Variants in USP13 observed in about 807,000 individuals in gnomAD.
USP13 encodes the protein ubiquitin carboxyl-terminal hydrolase 13.
A neutral mutation model predicts 107.8 loss-of-function variants in USP13; 68 were observed. The ratio of observed to expected loss-of-function variants is 0.63; its 90% confidence interval spans 0.52 to 0.77. The LOEUF is 0.77. Ranked by LOEUF, USP13 falls within the 30% of genes least tolerant of loss-of-function variation. USP13 has a pLI of 0.00. For missense variants in USP13, 945 were observed against 1,093.3 expected (o/e 0.86, Z 1.91); for synonymous variants, 377 against 389.5 (o/e 0.97, Z 0.38).
At chr3:179,671,610 C>T (rs1288954156) in intron 1 of USP13, among the ~76,000 whole-genome samples, 1 of 152,138 alleles carries the variant, frequency 6.6e-6, no homozygotes, top group Non-Finnish European at 1.5e-5. Flanking sequence ...AATACTCATC[C>T]ACAAGTCAAT....
At chr3:179,688,099 G>GCCCATCCATCCA (rs1553789280) in intron 2 of USP13, among the ~76,000 whole-genome samples, 2 of 140,532 alleles carry the variant, frequency 1.4e-5, no homozygotes, top group Admixed American at 7.2e-5. Flanking sequence ...CCATCCATCC[G>GCCCATCCATCCA]TCCATCCATC....
At chr3:179,691,679 A>G (rs1377801502) in intron 3 of USP13, among the ~76,000 whole-genome samples, 1 of 152,180 alleles carries the variant, frequency 6.6e-6, no homozygotes, top group Non-Finnish European at 1.5e-5. Context: ...AGACTGTGCT[A>G]AATATTTTGT....
intron 20 of USP13, among the ~76,000 whole-genome samples, chr3:179,783,216 A>G (rs893822174): frequency 2.6e-5 from 4 of 152,160 alleles, no homozygotes; most frequent in African/African-American, 9.6e-5. Context: ...TATAAATATA[A>G]AAATATACAA....
At chr3:179,756,765 A>G (rs1714818383) in intron 15 of USP13, among the ~76,000 whole-genome samples, 1 of 152,176 alleles carries the variant, frequency 6.6e-6, no homozygotes, top group Non-Finnish European at 1.5e-5. Context: ...TCTCCAAAAA[A>G]AAGTTTTTTT....
At chr3:179,664,734 A>G (rs1385917577) in intron 1 of USP13, among the ~76,000 whole-genome samples, 2 of 152,322 alleles carry the variant, frequency 1.3e-5, no homozygotes, top group East Asian at 3.9e-4. Context: ...GAATCTGAAT[A>G]CGCCTCTGGA....
chr3:179,657,143 A>G lies in USP13; in HGVS notation c.168+3750A>G, dbSNP rs1262420590. 2.0e-5 allele frequency among the ~76,000 whole-genome samples: 3 copies of G among 152,192 alleles called. No homozygotes were observed. The East Asian group carries it at 5.8e-4, about 29-fold the overall frequency. On this transcript the variant is annotated intron_variant, in intron 1 of 20. Transcript: ENST00000263966. Reference sequence around the variant, plus strand: ...ATGGAGACAGTAACAACCTATCTCAAAAGGTTATTTTGTGGATTAAATAAA... The same window carrying G: ...ATGGAGACAGTAACAACCTATCTCAGAAGGTTATTTTGTGGATTAAATAAA...
At chr3:179,713,399 G>A (rs975942075) in intron 6 of USP13, among the ~76,000 whole-genome samples, 18 of 152,084 alleles carry the variant, frequency 1.2e-4, no homozygotes, top group African/African-American at 2.4e-4. Flanking sequence ...TTAATAGATC[G>A]CAAGCTGTAA....
chr3:179,762,858 A>G (rs1715052930), intron 17 of USP13, among the ~76,000 whole-genome samples: 2 of 152,184 alleles, frequency 1.3e-5, no homozygotes, highest in African/African-American at 2.4e-5. Flanking sequence ...TTCCACCAGT[A>G]ATGAATGTGA....
At chr3:179,702,990 T>G (rs969028319) in intron 4 of USP13, among the ~76,000 whole-genome samples, 6 of 152,188 alleles carry the variant, frequency 3.9e-5, no homozygotes, top group Non-Finnish European at 5.9e-5. Context: ...GTTAAAAAAA[T>G]TAATAAAAAA....
At chr3:179,772,460 G>A (rs1715370059) in intron 19 of USP13, among the ~76,000 whole-genome samples, 1 of 152,204 alleles carries the variant, frequency 6.6e-6, no homozygotes, top group Non-Finnish European at 1.5e-5. Flanking sequence ...TTCCAGGCAG[G>A]GAGCAGAGAG....
chr3:179,728,333 C>T (rs1337862786), intron 8 of USP13, among the ~76,000 whole-genome samples: 6 of 149,726 alleles, frequency 4.0e-5, no homozygotes, highest in Non-Finnish European at 8.9e-5. Context: ...ACGCTCCTCA[C>T]ATCCCGGACG....
intron 1 of USP13, among the ~76,000 whole-genome samples, chr3:179,657,816 A>G (rs1218024932): frequency 6.6e-6 from 1 of 151,534 alleles, no homozygotes; most frequent in African/African-American, 2.4e-5. Flanking sequence ...ACAAGTTGTA[A>G]GCCCAAGAGT....
At chr3:179,695,229 G>A (rs1028914556) in intron 3 of USP13, among the ~76,000 whole-genome samples, 2 of 152,192 alleles carry the variant, frequency 1.3e-5, no homozygotes, top group African/African-American at 2.4e-5. Context: ...TCCTTCTTCG[G>A]CTTCATGAAG....
Position 179,708,887 on chromosome 3 carries a change from G to T in USP13, c.735G>T (p.Ala245=). 6.2e-7 allele frequency: 1 copy of T among 1,614,124 alleles called. No individual in the cohort carries two copies. The highest frequency in any genetic ancestry group is 8.5e-7 in the Non-Finnish European group (1 of 1,180,022). ...FFDSSGGNGH[A]LEHYRDMGYP... ...ACAGCTCTGGGGGCAACGGGCATGC[G>T]CTGGAGCATTACAGAGACATGGGCT... Residue 245 remains alanine (A), a synonymous_variant, in exon 6 of 21, where the codon GCG becomes GCT. Coordinates refer to ENST00000263966, the MANE Select transcript of USP13 (RefSeq NM_003940.3).
chr3:179,778,113 ATAGC>A (rs1246395674), intron 19 of USP13, among the ~76,000 whole-genome samples: 1 of 151,818 alleles, frequency 6.6e-6, no homozygotes, highest in East Asian at 1.9e-4. Context: ...AGTTGATGTG[ATAGC>A]TAGCAACAGA....
intron 4 of USP13, among the ~76,000 whole-genome samples, chr3:179,706,373 A>G (rs972946062): frequency 1.3e-5 from 2 of 152,144 alleles, no homozygotes; most frequent in Non-Finnish European, 2.9e-5. Flanking sequence ...GCAGTTCATC[A>G]CAGATTTGCT....
chr3:179,690,316 G>C lies in USP13; in HGVS notation c.355+15G>C, dbSNP rs1301743007. 1.2e-6 allele frequency: 2 copies of C among 1,612,216 alleles called. No individual in the cohort carries two copies. The highest frequency in any genetic ancestry group is 2.2e-5 in the South Asian group (2 of 90,888). On this transcript the variant is annotated intron_variant, in intron 3 of 20. Coordinates refer to ENST00000263966, the MANE Select transcript of USP13 (RefSeq NM_003940.3). ...GATTTTTTTAGGTAAATAGTTATCA[G>C]TAGCATGCTCAGATTTTGTGTTTGT...
At chr3:179,738,584 T>C (rs1227112276) in intron 10 of USP13, among the ~76,000 whole-genome samples, 1 of 152,196 alleles carries the variant, frequency 6.6e-6, no homozygotes, top group Non-Finnish European at 1.5e-5. Context: ...TCACCATTAG[T>C]AGATGGGCTG....
intron 11 of USP13, among the ~76,000 whole-genome samples, chr3:179,740,759 C>T (rs1326342471): frequency 6.6e-6 from 1 of 151,852 alleles, no homozygotes; most frequent in Non-Finnish European, 1.5e-5. Context: ...GAATCGAATG[C>T]CATTAAAAAC....
Sources: allele counts gnomAD v4.1 joint callset (sites outside exome capture counted in the v4.1 genomes callset), GRCh38; gene constraint gnomAD v4.1.1; transcripts MANE v1.5; gene names NCBI Gene and HGNC (gene_info 2026-07-23, HGNC 2026-07-21).